RELN: variants seen among roughly 807,000 people sequenced by gnomAD.
RELN encodes the protein reelin.
Under a neutral mutation model 427.6 loss-of-function variants are expected in RELN, and 108 were observed. The observed-to-expected ratio is 0.25, with a 90% CI of 0.22 to 0.30. The LOEUF (loss-of-function observed/expected upper bound fraction) is 0.30. Ranked by LOEUF, RELN falls within the 10% of genes least tolerant of loss-of-function variation. The pLI, the probability that RELN is intolerant of heterozygous loss-of-function variation, is 1.00. For synonymous variants in RELN, 1,524 were observed against 1,513.4 expected (o/e 1.01, Z -0.16); for missense variants, 3,715 against 4,302.8 (o/e 0.86, Z 3.82).
chr7:103,530,660 T>C (rs1829918382), intron 46 of RELN, among the ~76,000 whole-genome samples: 1 of 152,170 alleles, frequency 6.6e-6, no homozygotes, highest in Admixed American at 6.5e-5. Flanking sequence ...CGGCAACTCA[T>C]GTGCTTCCCC....
At chr7:103,707,863 T>C (rs1239011190) in intron 8 of RELN, among the ~76,000 whole-genome samples, 1 of 152,182 alleles carries the variant, frequency 6.6e-6, no homozygotes, top group Admixed American at 6.5e-5. Flanking sequence ...AAAAAACTAT[T>C]TCTAAAGTTA....
intron 6 of RELN, among the ~76,000 whole-genome samples, chr7:103,741,862 G>A (rs888289223): frequency 1.3e-5 from 2 of 152,190 alleles, no homozygotes; most frequent in African/African-American, 4.8e-5. Flanking sequence ...CTCCCAGCGT[G>A]AGCGACGCAG....
chr7:103,890,087 T>C (rs1794811969), intron 2 of RELN, among the ~76,000 whole-genome samples: 1 of 152,286 alleles, frequency 6.6e-6, no homozygotes, highest in Non-Finnish European at 1.5e-5. Context: ...GCAAACACTT[T>C]TGCAGTCTGC....
rs762443741 is a variant in RELN, at chr7:103,490,840, C to T, written c.9444-11G>A. 4 of 1,614,050 alleles carry T rather than the reference C, an allele frequency of 2.5e-6. No individual in the cohort carries two copies. Among genetic ancestry groups the T allele is most frequent in the East Asian group, 2.2e-5 (1 of 44,878 alleles). ...TGCCAGGAATCCGATCTGCAGAAAC[C>T]AAAAGGCTTTGTTAGACAAATTGTA... is the stretch of plus-strand genomic sequence containing the variant. On this transcript the variant is annotated splice_polypyrimidine_tract_variant and intron_variant, in intron 58 of 64. Coordinates refer to ENST00000428762, the MANE Select transcript of RELN (RefSeq NM_005045.4).
Position 103,578,034 on chromosome 7 carries a change from A to T in RELN, c.4146-2329T>A, listed in dbSNP as rs1010089648. ...CAGATTTGGGCCCAGAAGAATTCAG[A>T]GGGTTGAAGAATCCTAAGTTTAGGT... On this transcript the variant is annotated intron_variant, in intron 28 of 64. Coordinates refer to ENST00000428762, the MANE Select transcript of RELN (RefSeq NM_005045.4). 2.0e-5 allele frequency among the ~76,000 whole-genome samples: 3 copies of T among 152,334 alleles called. No individual in the cohort carries two copies. In the East Asian group the frequency reaches 5.8e-4, roughly 29 times the overall value.
At chr7:103,711,205 T>G (rs113182361) in intron 8 of RELN, among the ~76,000 whole-genome samples, 1 of 152,236 alleles carries the variant, frequency 6.6e-6, no homozygotes, top group East Asian at 1.9e-4. Context: ...ATTTGTAATT[T>G]GTTTTTATTT....
chr7:103,903,527 T>G (rs989022712), intron 2 of RELN, among the ~76,000 whole-genome samples: 19 of 152,090 alleles, frequency 1.2e-4, no homozygotes, highest in African/African-American at 4.6e-4. Flanking sequence ...AGAAGAAATA[T>G]CTCACAAATA....
At chr7:103,588,834 C>G (rs2159676) in intron 28 of RELN, among the ~76,000 whole-genome samples, 1 of 151,434 alleles carries the variant, frequency 6.6e-6, no homozygotes, top group African/African-American at 2.4e-5. Flanking sequence ...CAAATTATCC[C>G]GTCACAGGAC....
chr7:103,585,679 A>G (rs1258536446), intron 28 of RELN, among the ~76,000 whole-genome samples: 2 of 152,190 alleles, frequency 1.3e-5, no homozygotes, highest in Non-Finnish European at 2.9e-5. Flanking sequence ...CCAAAAATTG[A>G]TGGGTAGGGA....
At chr7:103,926,627 GTTT>G (rs60259062) in intron 1 of RELN, among the ~76,000 whole-genome samples, 7 of 99,472 alleles carry the variant, frequency 7.0e-5, no homozygotes, top group South Asian at 3.2e-4. Context: ...AGTATCATAA[GTTT>G]TTTTTTTTTT....
At chr7:103,942,272 G>A (rs1796131458) in intron 1 of RELN, among the ~76,000 whole-genome samples, 1 of 152,108 alleles carries the variant, frequency 6.6e-6, no homozygotes, top group Non-Finnish European at 1.5e-5. Flanking sequence ...CTGGAACTTT[G>A]TACCCATTAA....
At chr7:103,786,365 T>A (rs1417350222) in intron 3 of RELN, among the ~76,000 whole-genome samples, 5 of 151,842 alleles carry the variant, frequency 3.3e-5, no homozygotes, top group Admixed American at 2.6e-4. Context: ...ATATTTATTA[T>A]AAATAGTTGC....
intron 3 of RELN, among the ~76,000 whole-genome samples, chr7:103,822,040 C>A (rs184920365): frequency 1.5e-3 from 225 of 152,106 alleles, no homozygotes; most frequent in Admixed American, 3.2e-3. Context: ...ATAATAATTT[C>A]ATTTAATATT....
At position 103,542,721 on chromosome 7, in the gene RELN, A is replaced by AC. The variant is rs1830200173; in HGVS notation, c.6671+9_6671+10insG. On this transcript the variant is annotated intron_variant, in intron 43 of 64. Transcript: ENST00000428762. Reference sequence around the variant, plus strand: ...TGTGGTTTTTTTCAACAGCATCTAAAAATGATTACCTAGCATGTGATAAAT... The same window carrying AC: ...TGTGGTTTTTTTCAACAGCATCTAAACAATGATTACCTAGCATGTGATAAAT... 1 of 1,613,930 alleles carries AC rather than the reference A, an allele frequency of 6.2e-7. No homozygotes were observed. The highest frequency in any genetic ancestry group is 1.3e-5 in the African/African-American group (1 of 74,930).
chr7:103,805,241 G>A (rs1281471890), intron 3 of RELN, among the ~76,000 whole-genome samples: 2 of 152,138 alleles, frequency 1.3e-5, no homozygotes, highest in Non-Finnish European at 2.9e-5. Context: ...GGATGCTACT[G>A]TGAGTACCAA....
At chr7:103,951,066 A>G (rs955748533) in intron 1 of RELN, among the ~76,000 whole-genome samples, 7 of 152,242 alleles carry the variant, frequency 4.6e-5, no homozygotes, top group African/African-American at 1.7e-4. Context: ...AGTAGCTGGG[A>G]TTACAGGCAC....
intron 1 of RELN, among the ~76,000 whole-genome samples, chr7:103,959,513 T>G (rs913656224): frequency 1.3e-5 from 2 of 152,102 alleles, no homozygotes; most frequent in Non-Finnish European, 2.9e-5. Flanking sequence ...CTCCCAAACT[T>G]TTCTCCCTGC....
intron 51 of RELN, among the ~76,000 whole-genome samples, chr7:103,505,740 G>C (rs376949137): frequency 2.9e-4 from 44 of 152,280 alleles, no homozygotes; most frequent in African/African-American, 1.1e-3. Flanking sequence ...GAATGAGTTT[G>C]GCAAATTGAC....
intron 2 of RELN, among the ~76,000 whole-genome samples, chr7:103,902,899 T>G (rs912086945): frequency 6.6e-6 from 1 of 152,110 alleles, no homozygotes; most frequent in South Asian, 2.1e-4. Flanking sequence ...TTAAAAAATA[T>G]CTCAATGATA....
Sources: allele counts gnomAD v4.1 joint callset (sites outside exome capture counted in the v4.1 genomes callset), GRCh38; gene constraint gnomAD v4.1.1; transcripts MANE v1.5; gene names NCBI Gene and HGNC (gene_info 2026-07-23, HGNC 2026-07-21).